The following MYO18B variants were observed in gnomAD, a reference collection of about 807,000 sequenced individuals.
MYO18B encodes the protein myosin XVIIIB, also known as unconventional myosin-XVIIIb.
Under a neutral mutation model 273.0 loss-of-function variants are expected in MYO18B, and 204 were observed. The ratio of observed to expected loss-of-function variants is 0.75; its 90% CI spans 0.67 to 0.84. The LOEUF (loss-of-function observed/expected upper bound fraction) is 0.84. MYO18B is among the 40% of genes least tolerant of loss of function. The probability of loss-of-function intolerance (pLI) is 0.00; values close to 1 mark genes in which losing one functional copy is unlikely to be tolerated. For synonymous variants in MYO18B, 1,330 were observed against 1,305.7 expected, an observed-to-expected ratio of 1.02 and a Z score of -0.40; for missense variants, 3,212 against 3,287.6, an observed-to-expected ratio of 0.98 and a Z score of 0.56.
chr22:26,040,949 G>A, the MYO18B span, among the ~76,000 whole-genome samples: 2 of 152,166 alleles, frequency 1.3e-5, no homozygotes, highest in African/African-American at 4.8e-5. Flanking sequence ...CTTTGCCCAG[G>A]ACTGAGGGAG....
intron 34 of MYO18B, among the ~76,000 whole-genome samples, chr22:25,945,519 C>G (rs1034560817): frequency 5.9e-5 from 9 of 152,072 alleles, no homozygotes; most frequent in African/African-American, 2.2e-4. Flanking sequence ...GGGCTCAGAA[C>G]CTGGCAGCTT....
At chr22:26,003,243 T>A (rs1406158994) in intron 40 of MYO18B, 22 bp from the exon 41 acceptor site, 1 of 1,602,990 alleles carries the variant, frequency 6.2e-7, no homozygotes, top group Non-Finnish European at 8.5e-7. Context: ...GATAACACAC[T>A]CTTTCTTGTG....
intron 16 of MYO18B, among the ~76,000 whole-genome samples, chr22:25,833,876 T>G (rs149987701): frequency 1.0e-3 from 153 of 152,344 alleles, no homozygotes; most frequent in African/African-American, 3.2e-3. Flanking sequence ...TGTCTCCTGC[T>G]GACCAGAGAT....
chr22:25,984,226 G>C (rs1185785766), intron 39 of MYO18B, among the ~76,000 whole-genome samples: 1 of 152,174 alleles, frequency 6.6e-6, no homozygotes, highest in African/African-American at 2.4e-5. Flanking sequence ...GAAAGGATTA[G>C]TAACTCTTTG....
intron 21 of MYO18B, among the ~76,000 whole-genome samples, chr22:25,856,259 A>G (rs373358097): frequency 1.3e-5 from 2 of 152,206 alleles, no homozygotes; most frequent in South Asian, 4.2e-4. Flanking sequence ...TAGTGTCTCA[A>G]TGTGGTTTTG....
intron 10 of MYO18B, 82 bp downstream of exon 10, chr22:25,781,916 T>C: frequency 1.1e-6 from 1 of 948,948 alleles, no homozygotes; most frequent in Non-Finnish European, 1.4e-6. Context: ...CCTTAGCTTC[T>C]GCCCAGCACT....
At chr22:25,846,709 A>G (rs2146017904) in intron 19 of MYO18B, among the ~76,000 whole-genome samples, 1 of 152,332 alleles carries the variant, frequency 6.6e-6, no homozygotes, top group South Asian at 2.1e-4. Context: ...CCGTGAATAA[A>G]TGAGAACATG....
chr22:26,060,255 T>G, the MYO18B span, among the ~76,000 whole-genome samples: 1 of 152,208 alleles, frequency 6.6e-6, no homozygotes. Flanking sequence ...ACAGAAGATT[T>G]GAGTAGCTGC....
intron 38 of MYO18B, among the ~76,000 whole-genome samples, chr22:25,952,977 T>C (rs548124845): frequency 6.6e-6 from 1 of 152,174 alleles, no homozygotes; most frequent in Non-Finnish European, 1.5e-5. Context: ...TACATAAATA[T>C]CTGTAATATG....
the MYO18B span, among the ~76,000 whole-genome samples, chr22:26,039,115 G>C: frequency 2.0e-5 from 3 of 152,160 alleles, no homozygotes; most frequent in East Asian, 5.8e-4. Context: ...ATCTTCTCCT[G>C]CCTGCTCTGT....
At chr22:26,047,413 A>C in the MYO18B span, among the ~76,000 whole-genome samples, 1 of 152,130 alleles carries the variant, frequency 6.6e-6, no homozygotes, top group Middle Eastern at 3.4e-3. Flanking sequence ...GGCGTGAGCC[A>C]CCGCGCCCAG....
At chr22:26,059,960 G>C in the MYO18B span, among the ~76,000 whole-genome samples, 1 of 152,170 alleles carries the variant, frequency 6.6e-6, no homozygotes, top group African/African-American at 2.4e-5. Flanking sequence ...TGACAGCTGA[G>C]GACAGACTTT....
intron 31 of MYO18B, 103 bp downstream of exon 31, chr22:25,903,934 C>A: frequency 1.6e-6 from 2 of 1,218,528 alleles, no homozygotes; most frequent in Non-Finnish European, 1.1e-6. Context: ...GCTCCTCATC[C>A]TTCAATGGCT....
intron 38 of MYO18B, 64 bp from the exon 39 acceptor site, chr22:25,955,115 G>T: frequency 7.0e-7 from 1 of 1,438,756 alleles, no homozygotes; most frequent in African/African-American, 1.4e-5. Context: ...TCTTCCTGAG[G>T]CTCCCTTGTT....
In MYO18B at chr22:25,768,869, G is replaced by A; in HGVS notation, c.953G>A (p.Trp318Ter). ...HVRPQIPGRK[W>*]GGFLGRRSKW... Reference sequence around the variant, plus strand: ...AGGCCCCAAATCCCTGGGAGAAAGTGGGGAGGTTTCCTGGGAAGAAGGAGT... The same window carrying A: ...AGGCCCCAAATCCCTGGGAGAAAGTAGGGAGGTTTCCTGGGAAGAAGGAGT... Residue 318 changes from tryptophan (W) to a stop codon, truncating the protein, a stop_gained, in exon 4 of 44, where the codon TGG (tryptophan) becomes TAG (stop). Transcript: ENST00000335473. LOFTEE classifies it high-confidence loss of function. 1 of 1,613,120 alleles carries A rather than the reference G, an allele frequency of 6.2e-7. No individual in the cohort carries two copies. Among genetic ancestry groups the A allele is most frequent in the South Asian group, 1.1e-5 (1 of 90,764 alleles).
intron 39 of MYO18B, among the ~76,000 whole-genome samples, chr22:25,974,130 G>A (rs1347418723): frequency 6.6e-5 from 10 of 152,076 alleles, no homozygotes; most frequent in African/African-American, 2.4e-5. Context: ...GCTAATTAAT[G>A]TTCATACCTT....
intron 7 of MYO18B, 51 bp downstream of exon 7, chr22:25,772,561 CTGGGGGGAT>C: frequency 6.5e-7 from 1 of 1,545,596 alleles, no homozygotes; most frequent in Non-Finnish European, 8.8e-7. Flanking sequence ...GCAGGGGGGC[CTGGGGGGAT>C]CCCTCTGCAT....
chr22:25,788,358 G>A (rs2087490050), intron 11 of MYO18B, among the ~76,000 whole-genome samples: 1 of 152,196 alleles, frequency 6.6e-6, no homozygotes, highest in Non-Finnish European at 1.5e-5. Context: ...AGTCCCCAAG[G>A]CTGTCAGGCT....
Position 25,908,303 on chromosome 22 carries a change from GTCCTTGCTGCC to G in MYO18B, c.5149-18_5149-8del. 4 of 1,559,660 alleles carry G rather than the reference GTCCTTGCTGCC, an allele frequency of 2.6e-6. No individual in the cohort carries two copies. The highest frequency in any genetic ancestry group is 3.5e-6 in the Non-Finnish European group (4 of 1,151,420). Reference sequence around the variant, plus strand: ...TTAGAGTGGGTCACCCTCACGTGCTGTCCTTGCTGCCCCCGCAGCTCCGCCAGCGGTTTGAG... The same window carrying G: ...TTAGAGTGGGTCACCCTCACGTGCTGCCCGCAGCTCCGCCAGCGGTTTGAG... On this transcript the variant is annotated splice_polypyrimidine_tract_variant and splice_region_variant and intron_variant, in intron 31 of 43. Transcript: ENST00000335473.
Sources: allele counts gnomAD v4.1 joint callset (sites outside exome capture counted in the v4.1 genomes callset), GRCh38; gene constraint gnomAD v4.1.1; transcripts MANE v1.5; gene names NCBI Gene and HGNC (gene_info 2026-07-23, HGNC 2026-07-21).